The following BRINP1 variants were observed in gnomAD, a reference collection of about 807,000 sequenced individuals.
BRINP1 encodes the protein BMP/retinoic acid-inducible neural-specific protein 1.
A neutral mutation model predicts 72.9 loss-of-function variants in BRINP1; 17 were observed. That is an observed-to-expected ratio of 0.23 (90% CI 0.16 to 0.35). BRINP1 has a LOEUF of 0.35. Among genes scored for constraint, BRINP1 ranks in the 10% least tolerant of loss-of-function variants. BRINP1 has a pLI of 1.00. For synonymous variants in BRINP1, 418 were observed against 378.5 expected (o/e 1.10, Z -1.21); for missense variants, 850 against 1,001.6 (o/e 0.85, Z 2.04).
chr9:119,214,873 G>C (rs1252541164), intron 5 of BRINP1, among the ~76,000 whole-genome samples: 2 of 152,152 alleles, frequency 1.3e-5, no homozygotes, highest in East Asian at 3.9e-4. Context: ...TCATGTGTCT[G>C]GAAATTCCTA....
intron 1 of BRINP1, among the ~76,000 whole-genome samples, chr9:119,365,094 G>A (rs535725248): frequency 1.3e-5 from 2 of 152,284 alleles, no homozygotes; most frequent in East Asian, 1.9e-4. Flanking sequence ...TACCCCCAGC[G>A]CTATAAAGCA....
chr9:119,353,822 CTTTTTTTTTTTT>C lies in BRINP1; in HGVS notation c.-51+15222_-51+15233del, dbSNP rs138900910. On this transcript the variant is annotated intron_variant, in intron 1 of 7. Transcript: ENST00000265922. ...ATTAAACTTAATTTTGTTTTGAGCA[CTTTTTTTTTTTT>C]TTTTTTTTTTTTTTTTTTTTTACAA... Among the ~76,000 whole-genome samples the C allele has an allele frequency of 5.7e-3, 178 of 30,978 alleles. 2 individuals are homozygous for C. Among genetic ancestry groups the C allele is most frequent in the African/African-American group, 0.02 (170 of 8,662 alleles). The allele number at this position is 30,978 out of a possible 152,430, so 20.3% of individuals were successfully genotyped here. A position where few individuals can be genotyped will look rare whatever the true frequency, so the allele number is the denominator to read the frequency against.
At chr9:119,301,371 T>C (rs1395218890) in intron 2 of BRINP1, among the ~76,000 whole-genome samples, 2 of 152,256 alleles carry the variant, frequency 1.3e-5, no homozygotes, top group Admixed American at 6.5e-5. Flanking sequence ...TCAACTTTCA[T>C]ATTCAAACAC....
chr9:119,360,972 T>C (rs1831623060), intron 1 of BRINP1, among the ~76,000 whole-genome samples: 2 of 152,166 alleles, frequency 1.3e-5, no homozygotes, highest in Non-Finnish European at 2.9e-5. Flanking sequence ...TACAGTCTCC[T>C]AGCTATCCCA....
chr9:119,262,645 C>CAA (rs55738449), intron 2 of BRINP1, among the ~76,000 whole-genome samples: 13 of 62,970 alleles, frequency 2.1e-4, no homozygotes, highest in African/African-American at 3.5e-4. Context: ...GACTCCAACT[C>CAA]AAAAAAAAAA....
chr9:119,172,808 G>A lies in BRINP1; in HGVS notation c.1146-4584C>T, dbSNP rs1163999261. ...ACGATCAAGTGGGCTTCATCCCTCA[G>A]ATGCAAGGCTGGTTCAATATACGCA... On this transcript the variant is annotated intron_variant, in intron 7 of 7. Transcript: ENST00000265922. 2.0e-5 allele frequency among the ~76,000 whole-genome samples: 3 copies of A among 151,962 alleles called. 1 individual carries two copies. Among genetic ancestry groups the A allele is most frequent in the African/African-American group, 7.3e-5 (3 of 41,244 alleles).
chr9:119,283,240 T>TCGGCTGCC (rs61027985), intron 2 of BRINP1: 1 of 938,554 alleles, frequency 1.1e-6, no homozygotes, highest in Non-Finnish European at 1.3e-6. Context: ...GAACTGCAGC[T>TCGGCTGCC]TCAGCTGCCT....
At chr9:119,220,041 A>G (rs1830023675) in intron 5 of BRINP1, among the ~76,000 whole-genome samples, 1 of 152,174 alleles carries the variant, frequency 6.6e-6, no homozygotes. Flanking sequence ...AGTTCCCTAG[A>G]AAAGAAAAGA....
intron 1 of BRINP1, among the ~76,000 whole-genome samples, chr9:119,328,355 A>G (rs1831260383): frequency 6.6e-6 from 1 of 152,252 alleles, no homozygotes; most frequent in African/African-American, 2.4e-5. Context: ...CAATGGAGAC[A>G]CAGAGTATAC....
rs573607172 is a variant in BRINP1, at chr9:119,191,924, A to G, written c.1145+16795T>C. Among the ~76,000 whole-genome samples, 67 of 152,104 alleles carry G rather than the reference A, an allele frequency of 4.4e-4. 1 individual carries two copies. The highest frequency in any genetic ancestry group is 1.3e-3 in the African/African-American group (56 of 41,552). On this transcript the variant is annotated intron_variant, in intron 7 of 7. Transcript: ENST00000265922. Reference sequence around the variant, plus strand: ...CAGAAACATAGACCAATGGAACACAATTGAGAGCCCAGAAATAAATCCAAT... The same window carrying G: ...CAGAAACATAGACCAATGGAACACAGTTGAGAGCCCAGAAATAAATCCAAT...
At chr9:119,301,976 T>C (rs1158118462) in intron 2 of BRINP1, among the ~76,000 whole-genome samples, 1 of 152,246 alleles carries the variant, frequency 6.6e-6, no homozygotes, top group African/African-American at 2.4e-5. Flanking sequence ...GATGACAACC[T>C]GATCATGCTC....
chr9:119,368,775 C>T lies in BRINP1; in HGVS notation c.-51+281G>A, dbSNP rs1831722101. Reference sequence around the variant, plus strand: ...AAACGACGCCGCACACGCAAACACACTAGCACCACATCAAGTTCCCACCAT... The same window carrying T: ...AAACGACGCCGCACACGCAAACACATTAGCACCACATCAAGTTCCCACCAT... On this transcript the variant is annotated intron_variant, in intron 1 of 7. Coordinates refer to ENST00000265922, the MANE Select transcript of BRINP1 (RefSeq NM_014618.3). This position sits in a 1 kb window ranked among gnomAD's most constrained non-coding sequence, Gnocchi z 4.7. Among the ~76,000 whole-genome samples, 1 of 152,214 alleles carries T rather than the reference C, an allele frequency of 6.6e-6. No individual in the cohort carries two copies. Among genetic ancestry groups the T allele is most frequent in the Non-Finnish European group, 1.5e-5 (1 of 68,038 alleles).
chr9:119,214,287 T>A, intron 5 of BRINP1, 132 bp from the exon 6 acceptor site: 1 of 674,758 alleles, frequency 1.5e-6, no homozygotes, highest in Non-Finnish European at 2.5e-6. Flanking sequence ...AATATATTTC[T>A]GGGCCAACCT....
At chr9:119,283,416 A>T (rs1352533429) in intron 2 of BRINP1, 1 of 153,552 alleles carries the variant, frequency 6.5e-6, no homozygotes, top group East Asian at 1.9e-4. Flanking sequence ...TCTGAGAATC[A>T]CTGACCCAAA....
intron 1 of BRINP1, among the ~76,000 whole-genome samples, chr9:119,352,771 G>T (rs1347564735): frequency 6.6e-5 from 10 of 152,068 alleles, no homozygotes; most frequent in Non-Finnish European, 1.3e-4. Flanking sequence ...AATTTTTATT[G>T]TTCTAAGATT....
chr9:119,201,783 G>A (rs1281780047), intron 7 of BRINP1, among the ~76,000 whole-genome samples: 3 of 152,174 alleles, frequency 2.0e-5, no homozygotes, highest in African/African-American at 2.4e-5. Context: ...TGGCTGACAC[G>A]AGATTGGAAG....
At chr9:119,301,921 C>T (rs1379445873) in intron 2 of BRINP1, among the ~76,000 whole-genome samples, 3 of 152,202 alleles carry the variant, frequency 2.0e-5, no homozygotes, top group African/African-American at 2.4e-5. Context: ...CCATCTTTCA[C>T]CCATTAATCT....
At chr9:119,271,349 C>T (rs1205777666) in intron 2 of BRINP1, among the ~76,000 whole-genome samples, 6 of 150,640 alleles carry the variant, frequency 4.0e-5, no homozygotes, top group South Asian at 2.1e-4. Context: ...CAATATGTGG[C>T]CTTTGATTTC....
At chr9:119,316,225 T>C (rs1831122407) in intron 1 of BRINP1, among the ~76,000 whole-genome samples, 1 of 152,108 alleles carries the variant, frequency 6.6e-6, no homozygotes, top group African/African-American at 2.4e-5. Context: ...TAGCTGAGAT[T>C]ACAGGTGCAC....
Sources: gnomAD v4.1 joint callset for allele counts (sites outside exome capture counted in the v4.1 genomes callset) on GRCh38, gnomAD v4.1.1 for gene constraint, Gnocchi (gnomAD v3.1) non-coding constraint, MANE v1.5 for transcripts, NCBI Gene and HGNC (gene_info 2026-07-23, HGNC 2026-07-21) for gene names.